The following CHIC2 variants were observed in gnomAD, a reference collection of about 807,000 sequenced individuals.
CHIC2 encodes cysteine rich hydrophobic domain 2.
In CHIC2, 14 loss-of-function variants were observed where a neutral mutation model predicts 25.9. The observed-to-expected ratio is 0.54, with a 90% CI of 0.36 to 0.85. CHIC2 has a LOEUF of 0.85. Ranked by LOEUF, CHIC2 falls within the 40% of genes least tolerant of loss-of-function variation. CHIC2 has a pLI of 0.01. For synonymous variants in CHIC2, 70 were observed against 72.0 expected (o/e 0.97, Z 0.14); for missense variants, 146 against 202.0 (o/e 0.72, Z 1.68).
chr4:54,056,132 C>T (rs1278739550), intron 1 of CHIC2, among the ~76,000 whole-genome samples: 1 of 152,058 alleles, frequency 6.6e-6, no homozygotes, highest in African/African-American at 2.4e-5. Context: ...AGCATTTTAT[C>T]AATTTTTAAT....
upstream of CHIC2, chr4:54,064,823 G>T: frequency 4.3e-6 from 1 of 231,366 alleles, no homozygotes; most frequent in Non-Finnish European, 7.0e-6. The surrounding 1 kb of genome is among the most constrained non-coding windows in gnomAD (Gnocchi z 4.2). Flanking sequence ...CGCTCCCGCC[G>T]GCGGGCCCCC....
intron 1 of CHIC2, among the ~76,000 whole-genome samples, chr4:54,052,823 C>T (rs1577984559): frequency 6.6e-6 from 1 of 152,154 alleles, no homozygotes; most frequent in East Asian, 1.9e-4. Context: ...AATATTTATA[C>T]CTTTGTCATA....
chr4:54,028,967 C>CA (rs1423274972), intron 3 of CHIC2, among the ~76,000 whole-genome samples: 1 of 151,850 alleles, frequency 6.6e-6, no homozygotes, highest in African/African-American at 2.4e-5. Flanking sequence ...TACTAAAATA[C>CA]AAAAAATTAG....
chr4:54,059,898 A>G (rs951469194), intron 1 of CHIC2: 3 of 152,354 alleles, frequency 2.0e-5, no homozygotes, highest in South Asian at 2.1e-4. Flanking sequence ...CTGTGGAGAT[A>G]CATCAATGAA....
At chr4:54,042,411 G>C (rs538991444) in intron 3 of CHIC2, among the ~76,000 whole-genome samples, 1 of 152,228 alleles carries the variant, frequency 6.6e-6, no homozygotes, top group South Asian at 2.1e-4. Context: ...ATCTCAAGTT[G>C]ATATGAATGC....
At chr4:54,058,379 T>G (rs1411787373) in intron 1 of CHIC2, among the ~76,000 whole-genome samples, 1 of 152,152 alleles carries the variant, frequency 6.6e-6, no homozygotes, top group Non-Finnish European at 1.5e-5. Flanking sequence ...TGACTGAGAA[T>G]TGAAACCAAT....
the CHIC2 span, among the ~76,000 whole-genome samples, chr4:54,072,543 T>C: frequency 6.6e-6 from 1 of 152,184 alleles, no homozygotes; most frequent in African/African-American, 2.4e-5. Flanking sequence ...ACAATAATTG[T>C]ATTAAATATC....
intron 1 of CHIC2, chr4:54,061,015 A>G (rs1717317056): frequency 6.6e-6 from 1 of 152,170 alleles, no homozygotes; most frequent in Admixed American, 6.5e-5. Flanking sequence ...AAATCTAACA[A>G]TGAAGGGAAA....
chr4:54,030,737 G>A (rs1200998361), intron 3 of CHIC2, among the ~76,000 whole-genome samples: 11 of 145,786 alleles, frequency 7.5e-5, no homozygotes, highest in African/African-American at 1.3e-4. Context: ...GCACGATCTC[G>A]GCTCACTGTA....
rs1715895833 is a variant in CHIC2 at position 54,021,364 on chromosome 4, C to T, written c.331-7245G>A. Among the ~76,000 whole-genome samples the T allele has an allele frequency of 3.3e-5, 5 of 152,096 alleles. No homozygotes were observed. The South Asian group carries it at 8.3e-4, about 25-fold the overall frequency. The stretch of plus-strand genomic sequence containing the variant: ...CATCCCAAATCTTTCTTCTTTCTCT[C>T]CTGTCTGTTCCTTCAGTCTCCACAC... On this transcript the variant is annotated intron_variant, in intron 3 of 5. Transcript: ENST00000263921.
At chr4:54,064,643 G>C (rs1717460311), upstream of CHIC2, 2 of 1,072,156 alleles carry the variant, frequency 1.9e-6, no homozygotes, top group Admixed American at 1.1e-4. The surrounding 1 kb of genome is among the most constrained non-coding windows in gnomAD (Gnocchi z 4.2). Context: ...GGGAGCAGCC[G>C]GCTACGGCAT....
At position 54,022,296 on chromosome 4, in the gene CHIC2, G is replaced by A. The variant is rs183949112; in HGVS notation, c.331-8177C>T. ...GGCTGAAGACCGACGCTGCCCGATC[G>A]CCTCAGAAGCTTCCTGGACCATCAC... On this transcript the variant is annotated intron_variant, in intron 3 of 5. Transcript: ENST00000263921. 1.0e-3 allele frequency among the ~76,000 whole-genome samples: 156 copies of A among 152,166 alleles called. 1 individual carries two copies. Among genetic ancestry groups the A allele is most frequent in the Admixed American group, 5.5e-3 (84 of 15,296 alleles).
rs1000836733 is a variant in CHIC2 at position 54,010,001 on chromosome 4, T to C, written c.*94A>G. The stretch of plus-strand genomic sequence containing the variant: ...ACAAAAAAAACACCACACGATTCTG[T>C]AGAACCAATGTTATGTCACCACCAG... On this transcript the variant is annotated 3_prime_UTR_variant, in exon 6 of 6. Transcript: ENST00000263921. 11 of 764,222 alleles carry C rather than the reference T, an allele frequency of 1.4e-5. No individual in the cohort carries two copies. The African/African-American group carries it at 1.9e-4, about 13-fold the overall frequency. 47.3% of individuals were successfully genotyped at this position (764,222 alleles called of 1,614,324 possible).
chr4:54,036,010 G>A (rs1046934033), intron 3 of CHIC2, among the ~76,000 whole-genome samples: 1 of 152,064 alleles, frequency 6.6e-6, no homozygotes, highest in African/African-American at 2.4e-5. Flanking sequence ...ATTTTCTAGC[G>A]ATTTTTCATT....
the CHIC2 span, among the ~76,000 whole-genome samples, chr4:54,085,772 A>C: frequency 6.6e-6 from 1 of 152,178 alleles, no homozygotes; most frequent in African/African-American, 2.4e-5. Context: ...CTGGATTTAG[A>C]AGCATCCACA....
At chr4:54,020,186 C>T (rs1295641210) in intron 3 of CHIC2, among the ~76,000 whole-genome samples, 1 of 152,150 alleles carries the variant, frequency 6.6e-6, no homozygotes, top group Non-Finnish European at 1.5e-5. Context: ...TGAAAATAAC[C>T]TTAACTGATG....
intron 5 of CHIC2, among the ~76,000 whole-genome samples, chr4:54,012,874 A>G (rs1472120811): frequency 6.6e-6 from 1 of 152,144 alleles, no homozygotes; most frequent in African/African-American, 2.4e-5. Context: ...TGGGATAATG[A>G]AAGAACAGGA....
chr4:54,077,139 G>A, the CHIC2 span, among the ~76,000 whole-genome samples: 1 of 152,180 alleles, frequency 6.6e-6, no homozygotes, highest in African/African-American at 2.4e-5. Context: ...TATTGAGGGT[G>A]TTGTTATTTT....
chr4:54,077,301 T>A, the CHIC2 span, among the ~76,000 whole-genome samples: 1 of 152,276 alleles, frequency 6.6e-6, no homozygotes, highest in African/African-American at 2.4e-5. Flanking sequence ...ACAGAAAAAA[T>A]TCACCAGAAT....
Sources: gnomAD v4.1 joint callset for allele counts (sites outside exome capture counted in the v4.1 genomes callset) on GRCh38, gnomAD v4.1.1 for gene constraint, Gnocchi (gnomAD v3.1) non-coding constraint, MANE v1.5 for transcripts, NCBI Gene and HGNC (gene_info 2026-07-23, HGNC 2026-07-21) for gene names.